Variants in CSMD1 observed in about 807,000 individuals in gnomAD.
CSMD1 encodes the protein CUB and sushi domain-containing protein 1.
In CSMD1, 213 loss-of-function variants were observed where a neutral mutation model predicts 417.5. The ratio of observed to expected loss-of-function variants is 0.51; its 90% CI spans 0.46 to 0.57. CSMD1 has a LOEUF of 0.57. Among genes scored for constraint, CSMD1 ranks in the 20% least tolerant of loss-of-function variants. The pLI is 0.00. For synonymous variants in CSMD1, 2,862 were observed against 1,736.8 expected, an observed-to-expected ratio of 1.65 and a Z score of -16.11; for missense variants, 6,923 against 4,529.7, an observed-to-expected ratio of 1.53 and a Z score of -15.17.
chr8:2,980,200 G>A (rs970452338), intron 54 of CSMD1, among the ~76,000 whole-genome samples: 1 of 152,194 alleles, frequency 6.6e-6, no homozygotes, highest in African/African-American at 2.4e-5. Context: ...TCAAAGCAGA[G>A]AAAGCCACTT....
At chr8:3,371,520 T>G (rs935133448) in intron 18 of CSMD1, among the ~76,000 whole-genome samples, 1 of 152,086 alleles carries the variant, frequency 6.6e-6, no homozygotes, top group Admixed American at 6.5e-5. Flanking sequence ...CATGTATATA[T>G]TTATACTTCT....
intron 5 of CSMD1, among the ~76,000 whole-genome samples, chr8:3,907,944 TG>T (rs200526526): frequency 6.6e-6 from 1 of 151,806 alleles, no homozygotes; most frequent in Non-Finnish European, 1.5e-5. Context: ...TTGATTTTTT[TG>T]GGGGGTGTGG....
chr8:4,945,392 T>G (rs566936589), intron 1 of CSMD1, among the ~76,000 whole-genome samples: 1 of 152,120 alleles, frequency 6.6e-6, no homozygotes, highest in East Asian at 1.9e-4. Context: ...ATAGTTCAGA[T>G]AGTAAATTTC....
chr8:4,170,332 T>G (rs910710344), intron 3 of CSMD1, among the ~76,000 whole-genome samples: 3 of 151,940 alleles, frequency 2.0e-5, no homozygotes, highest in African/African-American at 7.3e-5. Context: ...ACAAATTCTG[T>G]CTCATTTCAT....
chr8:4,203,287 A>G (rs917095334), intron 3 of CSMD1, among the ~76,000 whole-genome samples: 1 of 152,276 alleles, frequency 6.6e-6, no homozygotes, highest in Non-Finnish European at 1.5e-5. Flanking sequence ...TTCAGAAAAG[A>G]ACACAGGCCC....
intron 52 of CSMD1, among the ~76,000 whole-genome samples, chr8:3,007,017 C>T (rs970601378): frequency 1.4e-5 from 2 of 145,244 alleles, no homozygotes; most frequent in African/African-American, 2.8e-5. Flanking sequence ...TTTTTGCAAC[C>T]TACTCATCTG....
intron 10 of CSMD1, among the ~76,000 whole-genome samples, chr8:3,535,673 A>C (rs138017462): frequency 2.6e-5 from 4 of 152,350 alleles, no homozygotes; most frequent in Non-Finnish European, 5.9e-5. Context: ...AAATCTATGC[A>C]TGTAACAAAA....
chr8:4,605,903 G>A (rs1037567934), intron 2 of CSMD1, among the ~76,000 whole-genome samples: 4 of 152,240 alleles, frequency 2.6e-5, no homozygotes, highest in South Asian at 2.1e-4. Flanking sequence ...GAATGTTCCC[G>A]AGATCAATGC....
At chr8:4,356,275 T>C (rs1278358497) in intron 3 of CSMD1, among the ~76,000 whole-genome samples, 6 of 152,126 alleles carry the variant, frequency 3.9e-5, no homozygotes, top group Admixed American at 3.3e-4. Context: ...TCACTGCAAA[T>C]GCTGTTCATT....
In CSMD1 at chr8:4,219,594, G is replaced by A. The variant is rs547451618; in HGVS notation, c.416-187495C>T. On this transcript the variant is annotated intron_variant, in intron 3 of 69. Transcript: ENST00000635120. Reference sequence around the variant, plus strand: ...AAAAATTATTGGTCTCAATTTCTACGGTTGGCTCCAACCCAAAAAACACTA... The same window carrying A: ...AAAAATTATTGGTCTCAATTTCTACAGTTGGCTCCAACCCAAAAAACACTA... 3.0e-4 allele frequency among the ~76,000 whole-genome samples: 45 copies of A among 152,154 alleles called. 3 individuals carry two copies. Among genetic ancestry groups the A allele is most frequent in the Admixed American group, 2.4e-3 (36 of 15,282 alleles).
At chr8:4,874,840 T>C (rs1802951000) in intron 1 of CSMD1, among the ~76,000 whole-genome samples, 1 of 148,706 alleles carries the variant, frequency 6.7e-6, no homozygotes, top group South Asian at 2.1e-4. Flanking sequence ...TTCTGGTTTA[T>C]ATATATATAA....
chr8:3,021,026 T>G (rs965479652), intron 51 of CSMD1, among the ~76,000 whole-genome samples: 15 of 152,224 alleles, frequency 9.9e-5, no homozygotes, highest in Admixed American at 9.2e-4. Context: ...AAGATCCATT[T>G]GTAGCAATTT....
At chr8:4,077,307 A>ATATATATATATGTG (rs1554439910) in intron 3 of CSMD1, among the ~76,000 whole-genome samples, 1 of 141,516 alleles carries the variant, frequency 7.1e-6, no homozygotes. Flanking sequence ...GTATATATAT[A>ATATATATATATGTG]TATATATATA....
intron 41 of CSMD1, chr8:3,127,341 T>A (rs1270643380): frequency 6.6e-6 from 1 of 152,152 alleles, no homozygotes; most frequent in Middle Eastern, 3.2e-3. Flanking sequence ...TTACTCAAAG[T>A]CGCTCAGAAT....
At chr8:3,134,295 C>A (rs917052565) in intron 41 of CSMD1, among the ~76,000 whole-genome samples, 1 of 152,240 alleles carries the variant, frequency 6.6e-6, no homozygotes, top group African/African-American at 2.4e-5. Flanking sequence ...TGATGTTAGG[C>A]AGTTCCTGAA....
chr8:3,898,889 T>A (rs1016556389), intron 5 of CSMD1, among the ~76,000 whole-genome samples: 1 of 152,154 alleles, frequency 6.6e-6, no homozygotes, highest in Non-Finnish European at 1.5e-5. Context: ...CCCTTAGGGG[T>A]TACAGTCATT....
intron 23 of CSMD1, among the ~76,000 whole-genome samples, chr8:3,324,777 C>T (rs1450901814): frequency 6.6e-6 from 1 of 152,188 alleles, no homozygotes; most frequent in African/African-American, 2.4e-5. Context: ...TTTAAAATAT[C>T]TGACGGTGAG....
intron 1 of CSMD1, among the ~76,000 whole-genome samples, chr8:4,842,906 A>C (rs1291258933): frequency 6.6e-6 from 1 of 152,194 alleles, no homozygotes; most frequent in African/African-American, 2.4e-5. Context: ...ATTGGAATAA[A>C]TCTTAAAGGT....
At chr8:3,173,909 T>C (rs566845506) in intron 37 of CSMD1, among the ~76,000 whole-genome samples, 161 of 152,330 alleles carry the variant, frequency 1.1e-3, no homozygotes, top group African/African-American at 3.8e-3. Context: ...TATTCAATTA[T>C]GGCAACGTCC....
Sources: allele counts gnomAD v4.1 joint callset (sites outside exome capture counted in the v4.1 genomes callset), GRCh38; gene constraint gnomAD v4.1.1; transcripts MANE v1.5; gene names NCBI Gene and HGNC (gene_info 2026-07-23, HGNC 2026-07-21).